Variants in SRR observed in about 807,000 individuals in gnomAD.
SRR encodes serine racemase.
Under a neutral mutation model 32.7 loss-of-function variants are expected in SRR, and 19 were observed. The observed-to-expected ratio is 0.58, with a 90% CI of 0.40 to 0.85. SRR has a LOEUF of 0.85. Among genes scored for constraint, SRR ranks in the 40% least tolerant of loss-of-function variants. The pLI is 0.00. For missense variants in SRR, 373 were observed against 404.7 expected (o/e 0.92, Z 0.67); for synonymous variants, 142 against 140.9 (o/e 1.01, Z -0.06).
chr17:2,317,966 C>G lies in SRR; in HGVS notation c.265C>G (p.Gln89Glu). Residue 89 changes from glutamine to glutamate, a missense_variant, in exon 3 of 8, where the codon CAG (glutamine) becomes GAG (glutamate). Transcript: ENST00000344595. ...VVTHSSGNHG[Q>E]ALTYAAKLEG... ...TACTCACAGCAGTGGAAACCATGGC[C>G]AGGCTCTCACCTATGCTGCCAAATT... The G allele has an allele frequency of 1.9e-6, 3 of 1,613,906 alleles. No individual in the cohort carries two copies. Among genetic ancestry groups the G allele is most frequent in the Non-Finnish European group, 2.5e-6 (3 of 1,179,890 alleles).
intron 4 of SRR, among the ~76,000 whole-genome samples, chr17:2,320,672 A>G (rs1370345278): frequency 6.9e-6 from 1 of 144,234 alleles, no homozygotes; most frequent in African/African-American, 2.6e-5. Context: ...AGAGATTCTC[A>G]TGCCTCAGCC....
intron 4 of SRR, among the ~76,000 whole-genome samples, chr17:2,319,754 T>A (rs1393793177): frequency 2.6e-5 from 4 of 152,134 alleles, no homozygotes; most frequent in Non-Finnish European, 5.9e-5. Flanking sequence ...GCATCCACCC[T>A]TGCCACACTA....
Position 2,323,787 on chromosome 17 carries a change from A to C in SRR, c.937A>C (p.Ser313Arg). 1 of 1,614,198 alleles carries C rather than the reference A, an allele frequency of 6.2e-7. No homozygotes were observed. The highest frequency in any genetic ancestry group is 1.6e-4 in the Middle Eastern group (1 of 6,062). Residue 313 changes from serine (S) to arginine (R), a missense_variant, in exon 8 of 8, where the codon AGT (serine) becomes CGT (arginine). Coordinates refer to ENST00000344595, the MANE Select transcript of SRR (RefSeq NM_021947.3). Reference protein sequence around the residue: ...PEVKNICIVLSGGNVDLTSSI... With the variant: ...PEVKNICIVLRGGNVDLTSSI... ...AGTAAAGAACATTTGTATTGTGCTC[A>C]GTGGTGGAAATGTAGACTTAACCTC...
intron 3 of SRR, among the ~76,000 whole-genome samples, chr17:2,318,504 G>A (rs1462908413): frequency 1.5e-5 from 2 of 133,740 alleles, no homozygotes; most frequent in Non-Finnish European, 3.1e-5. Context: ...TTGCACTGTC[G>A]CCCAGGCTGG....
rs1279578949 is a variant in SRR, at chr17:2,324,601, AC to A, written c.*730del. 14 of 1,613,998 alleles carry A rather than the reference AC, an allele frequency of 8.7e-6. No homozygotes were observed. The highest frequency in any genetic ancestry group is 5.0e-5 in the Admixed American group (3 of 59,994). ...CCTCTTAGAATCAAACACATTAAAGACCAAGATGAAACATTTACCCACAAAA... is the reference window on the plus strand; with the variant it reads ...CCTCTTAGAATCAAACACATTAAAGACAAGATGAAACATTTACCCACAAAA... On this transcript the variant is annotated 3_prime_UTR_variant, in exon 8 of 8. Coordinates refer to ENST00000344595, the MANE Select transcript of SRR (RefSeq NM_021947.3).
In SRR at chr17:2,315,829, A is replaced by T. The variant is rs189550551; in HGVS notation, c.168+101A>T. 8.6e-6 allele frequency: 10 copies of T among 1,162,732 alleles called. No homozygotes were observed. The African/African-American group carries it at 1.4e-4, about 16-fold the overall frequency. The allele number at this position is 1,162,732 out of a possible 1,614,324, so 72.0% of individuals were successfully genotyped here. A position where few individuals can be genotyped will look rare whatever the true frequency, so the allele number is the denominator to read the frequency against. ...CCAATGAGATAGGCAGAAGTAAATT[A>T]ATGCCTTTATACAGCTGGAAAAAAG... On this transcript the variant is annotated intron_variant, in intron 2 of 7. Coordinates refer to ENST00000344595, the MANE Select transcript of SRR (RefSeq NM_021947.3).
chr17:2,305,584 G>A (rs1372356780), intron 1 of SRR, among the ~76,000 whole-genome samples: 1 of 152,196 alleles, frequency 6.6e-6, no homozygotes. Flanking sequence ...TACTACGTTG[G>A]TGGAAATTTT....
chr17:2,307,856 T>C (rs1340558697), intron 1 of SRR: 3 of 642,534 alleles, frequency 4.7e-6, no homozygotes, highest in Non-Finnish European at 8.5e-6. Flanking sequence ...TTTAGACAAA[T>C]ACTCATGTGT....
intron 1 of SRR, among the ~76,000 whole-genome samples, chr17:2,310,651 T>G (rs962289311): frequency 1.3e-5 from 2 of 152,128 alleles, no homozygotes; most frequent in African/African-American, 4.8e-5. Context: ...CATTCTCGGC[T>G]TACTGCAACC....
rs1310843569 is a variant in SRR, at chr17:2,318,909, T to A, written c.379T>A (p.Tyr127Asn). 7 of 1,613,294 alleles carry A rather than the reference T, an allele frequency of 4.3e-6. No homozygotes were observed. The highest frequency in any genetic ancestry group is 5.9e-6 in the Non-Finnish European group (7 of 1,179,420). Reference protein sequence around the residue: ...AIQAYGASIVYCEPSDESREN... With the variant: ...AIQAYGASIVNCEPSDESREN... ...ACAAGCCTACGGAGCGTCAATTGTA[T>A]ACTGTGAACCTAGTGATGAGGTAAG... Residue 127 changes from tyrosine (Y) to asparagine (N), a missense_variant, in exon 4 of 8, where the codon TAC becomes AAC. Tyr to Asn is a moderately radical substitution (Grantham distance 143). Coordinates refer to ENST00000344595, the MANE Select transcript of SRR (RefSeq NM_021947.3).
chr17:2,315,492 A>G, intron 1 of SRR, 65 bp from the exon 2 acceptor site: 2 of 1,483,956 alleles, frequency 1.3e-6, no homozygotes, highest in Non-Finnish European at 1.8e-6. Flanking sequence ...GTATTTTCAA[A>G]ATCTCTTCAA....
At chr17:2,316,594 A>G (rs989806128) in intron 2 of SRR, among the ~76,000 whole-genome samples, 1 of 152,228 alleles carries the variant, frequency 6.6e-6, no homozygotes, top group African/African-American at 2.4e-5. Context: ...ATACAAATAT[A>G]TGACAGGCGC....
rs1026956564 is a variant in SRR at position 2,324,137 on chromosome 17, G to A, written c.*264G>A. 2.7e-6 allele frequency: 4 copies of A among 1,505,894 alleles called. No individual in the cohort carries two copies. Among genetic ancestry groups the A allele is most frequent in the African/African-American group, 1.4e-5 (1 of 71,468 alleles). 93.3% of individuals were successfully genotyped at this position (1,505,894 alleles called of 1,614,324 possible). Reference sequence around the variant, plus strand: ...AATAAACTTTGCCCAATCACAACTTGTGCCTCCCATCCCTGGAGTACTGAC... The same window carrying A: ...AATAAACTTTGCCCAATCACAACTTATGCCTCCCATCCCTGGAGTACTGAC... On this transcript the variant is annotated 3_prime_UTR_variant, in exon 8 of 8. Coordinates refer to ENST00000344595, the MANE Select transcript of SRR (RefSeq NM_021947.3).
chr17:2,312,274 C>A (rs924412602), intron 1 of SRR, among the ~76,000 whole-genome samples: 1 of 150,788 alleles, frequency 6.6e-6, no homozygotes, highest in African/African-American at 2.4e-5. Flanking sequence ...AAAAAATGTT[C>A]AATCACTAGT....
chr17:2,321,278 CA>C, intron 4 of SRR, 27 bp from the exon 5 acceptor site: 1 of 1,609,844 alleles, frequency 6.2e-7, no homozygotes, highest in Non-Finnish European at 8.5e-7. Context: ...AAATACAAAT[CA>C]ATTAAGCTAA....
At chr17:2,303,636 T>C, upstream of SRR, 2 of 1,481,748 alleles carry the variant, frequency 1.3e-6, no homozygotes, top group Admixed American at 4.6e-5. Flanking sequence ...GACTCACCTC[T>C]GCTCCCGGCC....
At chr17:2,311,620 G>A (rs779094856) in intron 1 of SRR, among the ~76,000 whole-genome samples, 2 of 151,968 alleles carry the variant, frequency 1.3e-5, no homozygotes, top group African/African-American at 2.4e-5. Context: ...CAGCCTGGAC[G>A]ACAAGAGACC....
chr17:2,319,381 CTA>C (rs1314050321), intron 4 of SRR, among the ~76,000 whole-genome samples: 2 of 152,066 alleles, frequency 1.3e-5, no homozygotes, highest in East Asian at 1.9e-4. Flanking sequence ...TGGACTCTTT[CTA>C]TGTTGTGGGA....
intron 1 of SRR, chr17:2,307,070 TG>T (rs1360669873): frequency 2.6e-6 from 3 of 1,162,612 alleles, no homozygotes; most frequent in South Asian, 1.2e-5. Flanking sequence ...CACTTAACTA[TG>T]GAAAAGATAT....
Sources: allele counts gnomAD v4.1 joint callset (sites outside exome capture counted in the v4.1 genomes callset), GRCh38; gene constraint gnomAD v4.1.1; transcripts MANE v1.5; gene names NCBI Gene and HGNC (gene_info 2026-07-23, HGNC 2026-07-21).